The following TPD52L1 variants were observed in gnomAD, a reference collection of about 807,000 sequenced individuals.
TPD52L1 encodes the protein TPD52 like 1, also known as tumor protein D53.
In TPD52L1, 18 loss-of-function variants were observed where a neutral mutation model predicts 28.7. The ratio of observed to expected loss-of-function variants is 0.63; its 90% CI spans 0.43 to 0.93. TPD52L1 has a LOEUF of 0.93. Ranked by LOEUF, TPD52L1 falls within the 40% of genes least tolerant of loss-of-function variation. The pLI is 0.00. For missense variants in TPD52L1, 203 were observed against 254.8 expected (o/e 0.80, Z 1.39); for synonymous variants, 75 against 88.8 (o/e 0.84, Z 0.88).
chr6:125,240,589 C>T (rs956500090), intron 3 of TPD52L1, among the ~76,000 whole-genome samples: 2 of 151,822 alleles, frequency 1.3e-5, no homozygotes, highest in Admixed American at 6.6e-5. Flanking sequence ...TTGCAGCTAT[C>T]GTAAAAGGGA....
intron 1 of TPD52L1, chr6:125,154,511 C>A (rs1210879683): frequency 5.1e-6 from 5 of 984,072 alleles, no homozygotes; most frequent in Non-Finnish European, 6.0e-6. Context: ...TACCGGCCCC[C>A]TGACCTCCAG....
intron 3 of TPD52L1, among the ~76,000 whole-genome samples, chr6:125,233,119 C>T (rs1221060122): frequency 6.6e-6 from 1 of 152,090 alleles, no homozygotes; most frequent in African/African-American, 2.4e-5. Flanking sequence ...ATGAAATCCC[C>T]CCACTAATAA....
chr6:125,247,585 C>T (rs1050670168), intron 3 of TPD52L1, among the ~76,000 whole-genome samples: 6 of 152,150 alleles, frequency 3.9e-5, no homozygotes, highest in East Asian at 1.9e-4. Flanking sequence ...ATCACCCACT[C>T]GTTCATCTAC....
chr6:125,256,485 T>G (rs1797609448), intron 5 of TPD52L1, among the ~76,000 whole-genome samples: 1 of 152,264 alleles, frequency 6.6e-6, no homozygotes, highest in South Asian at 2.1e-4. Flanking sequence ...AATGGGTATG[T>G]TTCATCTTAA....
At chr6:125,243,017 T>A (rs933619586) in intron 3 of TPD52L1, among the ~76,000 whole-genome samples, 1 of 152,190 alleles carries the variant, frequency 6.6e-6, no homozygotes, top group Non-Finnish European at 1.5e-5. Flanking sequence ...TCAGCATTTG[T>A]TTGTCTGCAA....
At position 125,228,029 on chromosome 6, in the gene TPD52L1, C is replaced by CA. The variant is rs537444781; in HGVS notation, c.136-1082dup. ...ATTCATTCAATAGAATACTACTCTGCAAAAAAAGGGGAAGAACCATTGATA... is the reference window on the plus strand; with the variant it reads ...ATTCATTCAATAGAATACTACTCTGCAAAAAAAAGGGGAAGAACCATTGATA... On this transcript the variant is annotated intron_variant, in intron 2 of 6. Coordinates refer to ENST00000534000, the MANE Select transcript of TPD52L1 (RefSeq NM_003287.4). 2.0e-5 allele frequency among the ~76,000 whole-genome samples: 3 copies of CA among 151,678 alleles called. No individual in the cohort carries two copies. The East Asian group carries it at 5.8e-4, about 29-fold the overall frequency.
At chr6:125,226,401 C>T (rs760413615) in intron 2 of TPD52L1, among the ~76,000 whole-genome samples, 30 of 151,768 alleles carry the variant, frequency 2.0e-4, no homozygotes, top group Admixed American at 3.9e-4. Context: ...ATGTTTCTAT[C>T]GCTTTTGGGG....
intron 1 of TPD52L1, among the ~76,000 whole-genome samples, chr6:125,171,294 AT>A (rs1410974040): frequency 6.6e-6 from 1 of 152,192 alleles, no homozygotes; most frequent in Non-Finnish European, 1.5e-5. Flanking sequence ...ATACATGTGC[AT>A]AAGGCGCCTA....
At chr6:125,185,106 G>T (rs1006894014) in intron 1 of TPD52L1, among the ~76,000 whole-genome samples, 2 of 152,112 alleles carry the variant, frequency 1.3e-5, no homozygotes, top group Non-Finnish European at 2.9e-5. Context: ...AGAAAGAGGA[G>T]CAATTTGTAA....
At chr6:125,177,980 G>C (rs1027467503) in intron 1 of TPD52L1, among the ~76,000 whole-genome samples, 1 of 152,046 alleles carries the variant, frequency 6.6e-6, no homozygotes, top group Admixed American at 6.6e-5. Context: ...CTCTTTAGCT[G>C]TTTCAATATT....
chr6:125,256,846 G>A (rs1197974216), intron 5 of TPD52L1, among the ~76,000 whole-genome samples: 1 of 152,238 alleles, frequency 6.6e-6, no homozygotes, highest in Non-Finnish European at 1.5e-5. Flanking sequence ...TTGTGTCATT[G>A]CCAAATACCA....
intron 1 of TPD52L1, among the ~76,000 whole-genome samples, chr6:125,198,663 T>C (rs1477616856): frequency 6.6e-6 from 1 of 152,228 alleles, no homozygotes. Context: ...TTTGGCACAG[T>C]GCCTAACACA....
At chr6:125,248,246 T>A in intron 3 of TPD52L1, 36 bp from the exon 4 acceptor site, 1 of 1,517,924 alleles carries the variant, frequency 6.6e-7, no homozygotes, top group Non-Finnish European at 9.1e-7. Context: ...TGGGAGATCA[T>A]GATATAAAAA....
chr6:125,212,951 T>TA (rs1794616923), intron 1 of TPD52L1, among the ~76,000 whole-genome samples: 1 of 152,206 alleles, frequency 6.6e-6, no homozygotes, highest in South Asian at 2.1e-4. Flanking sequence ...AGAAGTGCAA[T>TA]TACTAGATTA....
chr6:125,196,053 G>T (rs1793418252), intron 1 of TPD52L1, among the ~76,000 whole-genome samples: 1 of 152,066 alleles, frequency 6.6e-6, no homozygotes, highest in African/African-American at 2.4e-5. Context: ...TTTGACATTG[G>T]CTGCCCATCA....
At chr6:125,260,083 A>G (rs551469789) in intron 6 of TPD52L1, 1 of 152,380 alleles carries the variant, frequency 6.6e-6, no homozygotes, top group Admixed American at 6.5e-5. Flanking sequence ...AATGAAACAA[A>G]GCACAGAAGA....
intron 1 of TPD52L1, among the ~76,000 whole-genome samples, chr6:125,197,328 T>G (rs549486501): frequency 6.6e-6 from 1 of 152,336 alleles, no homozygotes; most frequent in Non-Finnish European, 1.5e-5. Flanking sequence ...ATAATCTAAT[T>G]TAATAGTTCT....
chr6:125,176,366 C>T (rs1173720236), intron 1 of TPD52L1, among the ~76,000 whole-genome samples: 4 of 152,156 alleles, frequency 2.6e-5, no homozygotes. Flanking sequence ...TGCCATCTCC[C>T]CAAGTCCTCA....
Position 125,216,325 on chromosome 6 carries a change from G to A in TPD52L1, c.20-3753G>A, listed in dbSNP as rs959990546. Among the ~76,000 whole-genome samples, 5 of 151,876 alleles carry A rather than the reference G, an allele frequency of 3.3e-5. 1 individual carries two copies. Among genetic ancestry groups the A allele is most frequent in the Admixed American group, 1.3e-4 (2 of 15,212 alleles). ...AATCCAATGGATAGGAAGTCATCGT[G>A]AAGCACCTAATGACTTAGCTAGGAG... is the stretch of plus-strand genomic sequence containing the variant. On this transcript the variant is annotated intron_variant, in intron 1 of 6. Transcript: ENST00000534000.
Sources: gnomAD v4.1 joint callset for allele counts (sites outside exome capture counted in the v4.1 genomes callset) on GRCh38, gnomAD v4.1.1 for gene constraint, MANE v1.5 for transcripts, NCBI Gene and HGNC (gene_info 2026-07-23, HGNC 2026-07-21) for gene names.